CTNND2: variants seen among roughly 807,000 people sequenced by gnomAD.
The protein encoded by CTNND2 is catenin delta-2.
Under a neutral mutation model 144.4 loss-of-function variants are expected in CTNND2, and 22 were observed. The ratio of observed to expected loss-of-function variants is 0.15; its 90% CI spans 0.11 to 0.22. CTNND2 has a LOEUF of 0.22. Ranked by LOEUF, CTNND2 falls within the 10% of genes least tolerant of loss-of-function variation. CTNND2 has a pLI of 1.00. For synonymous variants in CTNND2, 751 were observed against 695.6 expected (o/e 1.08, Z -1.25); for missense variants, 1,353 against 1,618.8 (o/e 0.84, Z 2.82).
intron 16 of CTNND2, among the ~76,000 whole-genome samples, chr5:11,042,394 C>T (rs568018094): frequency 6.6e-6 from 1 of 152,338 alleles, no homozygotes; most frequent in Non-Finnish European, 1.5e-5. Flanking sequence ...ATGTTATACA[C>T]GCACACCTTG....
At chr5:11,269,845 C>T (rs1745813669) in intron 9 of CTNND2, among the ~76,000 whole-genome samples, 2 of 152,084 alleles carry the variant, frequency 1.3e-5, no homozygotes, top group East Asian at 3.9e-4. Flanking sequence ...AACCAAAAGG[C>T]AGACCTGGTC....
intron 12 of CTNND2, among the ~76,000 whole-genome samples, chr5:11,126,081 C>T (rs1331703630): frequency 3.9e-5 from 6 of 152,182 alleles, no homozygotes; most frequent in Admixed American, 3.9e-4. Flanking sequence ...GCAGGCGGAT[C>T]ACCTGAGGTC....
At chr5:11,341,425 C>A (rs1754263480) in intron 9 of CTNND2, among the ~76,000 whole-genome samples, 1 of 152,200 alleles carries the variant, frequency 6.6e-6, no homozygotes, top group Non-Finnish European at 1.5e-5. Context: ...ATTAGCTCAA[C>A]TGATAAACGA....
chr5:10,973,434 A>G lies in CTNND2; in HGVS notation c.*19T>C. 1 of 1,549,062 alleles carries G rather than the reference A, an allele frequency of 6.5e-7. No homozygotes were observed. The highest frequency in any genetic ancestry group is 2.0e-5 in the Admixed American group (1 of 49,338). ...ATGCATGCACATGCACTGTTCCCGG[A>G]GCGCCTGTGCCCTGCTCCTCACACC... On this transcript the variant is annotated 3_prime_UTR_variant, in exon 22 of 22. Transcript: ENST00000304623. This position sits in a 1 kb window ranked among gnomAD's most constrained non-coding sequence, Gnocchi z 5.6.
intron 10 of CTNND2, among the ~76,000 whole-genome samples, chr5:11,201,895 A>G (rs879356751): frequency 3.3e-5 from 5 of 152,234 alleles, no homozygotes; most frequent in Admixed American, 3.3e-4. Context: ...GTATTCCTAT[A>G]TAGGTGTCTT....
At chr5:11,840,360 A>G (rs1438326455) in intron 1 of CTNND2, among the ~76,000 whole-genome samples, 3 of 152,246 alleles carry the variant, frequency 2.0e-5, no homozygotes, top group Non-Finnish European at 1.5e-5. Flanking sequence ...TTTAAAGTAC[A>G]TTATAAAAGA....
At chr5:11,788,010 A>T (rs1175852583) in intron 1 of CTNND2, among the ~76,000 whole-genome samples, 2 of 152,224 alleles carry the variant, frequency 1.3e-5, no homozygotes, top group African/African-American at 4.8e-5. Flanking sequence ...ATATATGCTT[A>T]AAATCCAATG....
At chr5:11,487,418 T>C (rs1481646793) in intron 3 of CTNND2, among the ~76,000 whole-genome samples, 1 of 152,222 alleles carries the variant, frequency 6.6e-6, no homozygotes, top group Non-Finnish European at 1.5e-5. Context: ...TGGTCATTTT[T>C]TTTAACACTA....
At chr5:11,309,437 TG>T (rs1750579774) in intron 9 of CTNND2, among the ~76,000 whole-genome samples, 1 of 152,204 alleles carries the variant, frequency 6.6e-6, no homozygotes, top group Non-Finnish European at 1.5e-5. Context: ...CCTCCCCTGC[TG>T]GGTTGTAAAC....
At chr5:11,828,939 G>C (rs1793745091) in intron 1 of CTNND2, among the ~76,000 whole-genome samples, 1 of 152,190 alleles carries the variant, frequency 6.6e-6, no homozygotes, top group South Asian at 2.1e-4. Context: ...AGTCCAGGCA[G>C]AGGTGGTCTC....
chr5:11,702,552 TA>T (rs1338278808), intron 2 of CTNND2, among the ~76,000 whole-genome samples: 3 of 152,216 alleles, frequency 2.0e-5, no homozygotes, highest in African/African-American at 7.2e-5. Flanking sequence ...CCAGAATTAC[TA>T]CTGTCCCTCT....
At chr5:11,067,660 T>C (rs1218439473) in intron 16 of CTNND2, among the ~76,000 whole-genome samples, 1 of 152,226 alleles carries the variant, frequency 6.6e-6, no homozygotes, top group African/African-American at 2.4e-5. Context: ...CAGGAAACCC[T>C]GCCCTCATTG....
At chr5:11,093,305 T>G (rs1320999506) in intron 15 of CTNND2, among the ~76,000 whole-genome samples, 1 of 152,180 alleles carries the variant, frequency 6.6e-6, no homozygotes, top group Non-Finnish European at 1.5e-5. Context: ...TAAAAGAACA[T>G]TCGTTCACAT....
chr5:11,856,106 C>T (rs1795238532), intron 1 of CTNND2, among the ~76,000 whole-genome samples: 1 of 152,180 alleles, frequency 6.6e-6, no homozygotes, highest in Non-Finnish European at 1.5e-5. Flanking sequence ...GCCACCATGC[C>T]ATAAACTGGG....
intron 11 of CTNND2, among the ~76,000 whole-genome samples, chr5:11,192,399 G>A (rs978538649): frequency 1.3e-5 from 2 of 152,142 alleles, no homozygotes; most frequent in African/African-American, 4.8e-5. Context: ...GTCCACATTT[G>A]ACTCCTCAGG....
At chr5:11,200,844 A>AT (rs577053632) in intron 10 of CTNND2, among the ~76,000 whole-genome samples, 119 of 151,586 alleles carry the variant, frequency 7.9e-4, no homozygotes, top group East Asian at 6.0e-3. Context: ...ACGCCCGGCT[A>AT]TTTTTTTTGT....
At chr5:11,518,382 G>C (rs1437879611) in intron 3 of CTNND2, among the ~76,000 whole-genome samples, 1 of 152,156 alleles carries the variant, frequency 6.6e-6, no homozygotes, top group Non-Finnish European at 1.5e-5. Context: ...AAAGTGAAAA[G>C]AAATTTAAGA....
chr5:11,200,744 T>C (rs1166416599), intron 10 of CTNND2, among the ~76,000 whole-genome samples: 1 of 152,182 alleles, frequency 6.6e-6, no homozygotes, highest in Non-Finnish European at 1.5e-5. Context: ...AGTGGCGCCA[T>C]CTCGGCTCAC....
intron 2 of CTNND2, 49 bp downstream of exon 2, chr5:11,732,087 T>C: frequency 6.4e-7 from 1 of 1,565,646 alleles, no homozygotes; most frequent in African/African-American, 1.4e-5. Context: ...AGAAAAACAA[T>C]TTTTAAAATG....
Sources: gnomAD v4.1 joint callset for allele counts (sites outside exome capture counted in the v4.1 genomes callset) on GRCh38, gnomAD v4.1.1 for gene constraint, Gnocchi (gnomAD v3.1) non-coding constraint, MANE v1.5 for transcripts, NCBI Gene and HGNC (gene_info 2026-07-23, HGNC 2026-07-21) for gene names.